CDH20: variants seen among roughly 807,000 people sequenced by gnomAD.
CDH20 encodes the protein cadherin 20, also known as cadherin-20.
A neutral mutation model predicts 74.2 loss-of-function variants in CDH20; 29 were observed. The ratio of observed to expected loss-of-function variants is 0.39; its 90% confidence interval spans 0.29 to 0.53. The LOEUF (loss-of-function observed/expected upper bound fraction) is 0.53. Ranked by LOEUF, CDH20 falls within the 20% of genes least tolerant of loss-of-function variation. The pLI is 0.69. For missense variants in CDH20, 988 were observed against 1,048.3 expected, an observed-to-expected ratio of 0.94 and a Z score of 0.79; for synonymous variants, 469 against 405.4, an observed-to-expected ratio of 1.16 and a Z score of -1.88.
intron 8 of CDH20, among the ~76,000 whole-genome samples, chr18:61,538,578 C>CTTTGTTTTTTTT (rs1555684264): frequency 0.011 from 382 of 34,936 alleles, 16 homozygotes; most frequent in Middle Eastern, 0.024. Context: ...TAAATAACTA[C>CTTTGTTTTTTTT]TTTTTGTTTG....
At chr18:61,494,440 T>C (rs1036941572) in intron 2 of CDH20, among the ~76,000 whole-genome samples, 6 of 152,184 alleles carry the variant, frequency 3.9e-5, no homozygotes, top group African/African-American at 1.4e-4. Context: ...AGTCATCTGA[T>C]CCAATCCTCA....
chr18:61,553,736 C>T (rs1335334107), intron 11 of CDH20, among the ~76,000 whole-genome samples: 2 of 152,114 alleles, frequency 1.3e-5, no homozygotes, highest in South Asian at 2.1e-4. Flanking sequence ...TGCTAATATA[C>T]GGAAGCAGAA....
intron 11 of CDH20, among the ~76,000 whole-genome samples, chr18:61,552,020 C>A (rs1210206750): frequency 6.6e-6 from 1 of 152,162 alleles, no homozygotes; most frequent in Non-Finnish European, 1.5e-5. Context: ...TTGAGCAGAG[C>A]TGTCATAAAA....
chr18:61,429,532 G>A (rs929525), intron 1 of CDH20, among the ~76,000 whole-genome samples: 109,251 of 152,066 alleles, frequency 0.72, 39,405 homozygotes, highest in Middle Eastern at 0.81. Flanking sequence ...CTTCAGCTCC[G>A]AAGAGAAATC....
chr18:61,509,992 A>G (rs1285746061), intron 6 of CDH20, among the ~76,000 whole-genome samples: 2 of 152,188 alleles, frequency 1.3e-5, no homozygotes, highest in Admixed American at 1.3e-4. Flanking sequence ...GGCAGGGGTG[A>G]CAAGTATTGG....
At chr18:61,516,393 A>G (rs1912005555) in intron 6 of CDH20, among the ~76,000 whole-genome samples, 1 of 152,186 alleles carries the variant, frequency 6.6e-6, no homozygotes, top group Non-Finnish European at 1.5e-5. Flanking sequence ...TCAACACAGA[A>G]AGAAATATTT....
At chr18:61,459,601 C>G (rs1909697671) in intron 1 of CDH20, among the ~76,000 whole-genome samples, 1 of 152,108 alleles carries the variant, frequency 6.6e-6, no homozygotes, top group African/African-American at 2.4e-5. Context: ...TGTGGTCCAC[C>G]AACTAGCAGT....
intron 9 of CDH20, 82 bp from the exon 10 acceptor site, chr18:61,544,945 C>T (rs966739653): frequency 4.0e-5 from 35 of 864,368 alleles, no homozygotes; most frequent in African/African-American, 6.6e-5. Context: ...CCCACCATCG[C>T]GTTTCCGGGT....
chr18:61,493,370 C>T (rs529324447), intron 2 of CDH20, among the ~76,000 whole-genome samples: 11 of 152,276 alleles, frequency 7.2e-5, no homozygotes, highest in East Asian at 3.9e-4. Context: ...GGATGCTCAG[C>T]GCATTCCTCT....
At chr18:61,348,106 T>TG (rs200971875) in intron 1 of CDH20, among the ~76,000 whole-genome samples, 3 of 151,750 alleles carry the variant, frequency 2.0e-5, no homozygotes, top group East Asian at 1.9e-4. Context: ...TTCATTTTTT[T>TG]GGGGGGGTGG....
Position 61,554,862 on chromosome 18 carries a change from T to C in CDH20, c.*167T>C. The C allele has an allele frequency of 2.8e-6, 4 of 1,405,036 alleles. No individual in the cohort carries two copies. The highest frequency in any genetic ancestry group is 3.7e-6 in the Non-Finnish European group (4 of 1,082,012). 87.0% of individuals were successfully genotyped at this position (1,405,036 alleles called of 1,614,324 possible). A position where few individuals can be genotyped will look rare whatever the true frequency, so the allele number is the denominator to read the frequency against. Reference sequence around the variant, plus strand: ...TCAGCTTTACTTGGGTAGATTAAGTTAAATAAGCAAAAGGAAACCCAGAAG... The same window carrying C: ...TCAGCTTTACTTGGGTAGATTAAGTCAAATAAGCAAAAGGAAACCCAGAAG... On this transcript the variant is annotated 3_prime_UTR_variant, in exon 12 of 12. Coordinates refer to ENST00000262717, the MANE Select transcript of CDH20 (RefSeq NM_031891.4).
At chr18:61,437,605 C>T (rs765146527) in intron 1 of CDH20, among the ~76,000 whole-genome samples, 46 of 152,140 alleles carry the variant, frequency 3.0e-4, no homozygotes, top group Non-Finnish European at 6.0e-4. Flanking sequence ...GCAAATGGTT[C>T]AAAGAGGTTA....
At position 61,555,463 on chromosome 18, in the gene CDH20, C is replaced by T; in HGVS notation, c.*768C>T. On this transcript the variant is annotated 3_prime_UTR_variant, in exon 12 of 12. Transcript: ENST00000262717. ...AGAATGAAACCAGAAAAATCTGCCT[C>T]TTTTGCACTGTAGATGTCTCTTCCA... The T allele has an allele frequency of 1.0e-6, 1 of 985,404 alleles. No individual in the cohort carries two copies. Among genetic ancestry groups the T allele is most frequent in the Non-Finnish European group, 1.2e-6 (1 of 829,912 alleles). 61.0% of individuals were successfully genotyped at this position (985,404 alleles called of 1,614,324 possible).
intron 1 of CDH20, among the ~76,000 whole-genome samples, chr18:61,372,268 G>T (rs923573921): frequency 1.3e-5 from 2 of 151,714 alleles, no homozygotes; most frequent in Admixed American, 6.6e-5. Flanking sequence ...ATTTCATTTT[G>T]TCCTAAATTT....
intron 1 of CDH20, among the ~76,000 whole-genome samples, chr18:61,372,114 T>C (rs62098070): frequency 0.043 from 6,513 of 152,188 alleles, 221 homozygotes; most frequent in South Asian, 0.15. Flanking sequence ...ATGTAAATAG[T>C]GCACACTAAA....
chr18:61,481,861 T>C (rs187691449), intron 1 of CDH20, among the ~76,000 whole-genome samples: 14 of 152,248 alleles, frequency 9.2e-5, no homozygotes, highest in African/African-American at 2.9e-4. Flanking sequence ...CAACATTACT[T>C]TGGCATGCTC....
Position 61,490,934 on chromosome 18 carries a change from C to T in CDH20, c.246+135C>T. On this transcript the variant is annotated intron_variant, in intron 2 of 11. Coordinates refer to ENST00000262717, the MANE Select transcript of CDH20 (RefSeq NM_031891.4). ...AAGTGGTACGTTACTTGACACCTAG[C>T]TAAAATGTAACTTCTGCTTTGTCAG... The T allele has an allele frequency of 1.8e-5, 16 of 891,652 alleles. No homozygotes were observed. The South Asian group carries it at 2.6e-4, about 15-fold the overall frequency. The allele number at this position is 891,652 out of a possible 1,614,324, so 55.2% of individuals were successfully genotyped here.
At chr18:61,352,140 C>T (rs1011157189) in intron 1 of CDH20, among the ~76,000 whole-genome samples, 1 of 152,130 alleles carries the variant, frequency 6.6e-6, no homozygotes, top group African/African-American at 2.4e-5. Flanking sequence ...ACTTACAGTA[C>T]ACATCTTAAT....
intron 6 of CDH20, among the ~76,000 whole-genome samples, chr18:61,508,464 G>C (rs1302763160): frequency 1.3e-5 from 2 of 152,112 alleles, no homozygotes; most frequent in Non-Finnish European, 2.9e-5. Context: ...GGCCAGGAAA[G>C]CTAAGATGAT....
Sources: allele counts gnomAD v4.1 joint callset (sites outside exome capture counted in the v4.1 genomes callset), GRCh38; gene constraint gnomAD v4.1.1; transcripts MANE v1.5; gene names NCBI Gene and HGNC (gene_info 2026-07-23, HGNC 2026-07-21).